Variants in ITGA8 observed in about 807,000 individuals in gnomAD.
ITGA8 encodes the protein integrin subunit alpha 8, also known as integrin alpha-8.
Under a neutral mutation model 142.3 loss-of-function variants are expected in ITGA8, and 91 were observed. That is an observed-to-expected ratio of 0.64 (90% CI 0.54 to 0.76). The LOEUF (loss-of-function observed/expected upper bound fraction) is 0.76, where lower values mean the gene tolerates loss of function less well. ITGA8 is among the 30% of genes least tolerant of loss of function. ITGA8 has a pLI of 0.00. For missense variants in ITGA8, 1,406 were observed against 1,327.7 expected (o/e 1.06, Z -0.92); for synonymous variants, 505 against 485.2 (o/e 1.04, Z -0.54).
At chr10:15,616,439 C>T (rs1833392774) in intron 14 of ITGA8, 75 bp downstream of exon 14, 1 of 1,109,316 alleles carries the variant, frequency 9.0e-7, no homozygotes, top group Non-Finnish European at 1.4e-6. Context: ...TTGGAATGCT[C>T]TCTTTAAGGC....
chr10:15,519,900 T>C (rs566994450), intron 28 of ITGA8, among the ~76,000 whole-genome samples: 1 of 152,260 alleles, frequency 6.6e-6, no homozygotes, highest in East Asian at 1.9e-4. Context: ...TCCCCTCATT[T>C]TACAGGTGAG....
At chr10:15,643,614 A>G (rs1833909855) in intron 13 of ITGA8, among the ~76,000 whole-genome samples, 1 of 152,198 alleles carries the variant, frequency 6.6e-6, no homozygotes, top group Admixed American at 6.5e-5. Context: ...TAAAAACATG[A>G]GCTTCATGAC....
intron 6 of ITGA8, among the ~76,000 whole-genome samples, chr10:15,676,159 CCCT>C (rs1470599154): frequency 7.2e-5 from 11 of 152,232 alleles, no homozygotes; most frequent in African/African-American, 2.4e-4. Flanking sequence ...ACCTACGCTG[CCCT>C]CCTGCCTCCC....
At chr10:15,535,996 G>A (rs1329787706) in intron 27 of ITGA8, among the ~76,000 whole-genome samples, 1 of 151,802 alleles carries the variant, frequency 6.6e-6, no homozygotes, top group Admixed American at 6.6e-5. Flanking sequence ...AACATTCACC[G>A]AGAAGGTCCG....
intron 13 of ITGA8, among the ~76,000 whole-genome samples, chr10:15,619,322 C>T (rs1315491105): frequency 2.6e-5 from 4 of 152,172 alleles, no homozygotes. Context: ...TGAAAGTTCT[C>T]CAGGTCAAAA....
At chr10:15,648,036 A>T (rs189016661) in intron 11 of ITGA8, among the ~76,000 whole-genome samples, 39 of 152,354 alleles carry the variant, frequency 2.6e-4, no homozygotes, top group Middle Eastern at 6.8e-3. Context: ...GAGAAAAAAT[A>T]AAAAAGTGGT....
intron 28 of ITGA8, among the ~76,000 whole-genome samples, chr10:15,530,498 A>T (rs1052901204): frequency 7.5e-6 from 1 of 132,934 alleles, no homozygotes. Context: ...GTGAGCTGAG[A>T]TCGTGCCCCT....
intron 13 of ITGA8, 76 bp downstream of exon 13, chr10:15,643,953 TG>T (rs1833916490): frequency 7.5e-7 from 1 of 1,334,142 alleles, no homozygotes; most frequent in Non-Finnish European, 1.0e-6. Flanking sequence ...AAACTGCCTT[TG>T]CATGATGCAT....
chr10:15,709,849 C>A (rs974211280), intron 2 of ITGA8, among the ~76,000 whole-genome samples: 5 of 152,166 alleles, frequency 3.3e-5, no homozygotes. Context: ...CTTATTTTTA[C>A]ACATACTGTT....
At chr10:15,678,002 G>A (rs886824703) in intron 5 of ITGA8, among the ~76,000 whole-genome samples, 1 of 152,098 alleles carries the variant, frequency 6.6e-6, no homozygotes, top group Non-Finnish European at 1.5e-5. Flanking sequence ...ATAAAATTCT[G>A]TTCCAATTTA....
chr10:15,690,889 A>G (rs1834921669), intron 2 of ITGA8, among the ~76,000 whole-genome samples: 1 of 152,168 alleles, frequency 6.6e-6, no homozygotes. Context: ...ACAGCCAAGG[A>G]AACAACCAAC....
Position 15,672,673 on chromosome 10 carries a change from T to C in ITGA8, c.753A>G (p.Gly251=), listed in dbSNP as rs779228806. Residue 251 remains glycine (G), a synonymous_variant, in exon 7 of 30, where the codon GGA becomes GGG. Transcript: ENST00000378076. ...CTGGAGCCACTTCCGTCTGCTTTTC[T>C]CCTGCCAGTTTCCTGAGGATATCCT... ...SFKDILRKLA[G]EKQTEVAPAS... 2.5e-6 allele frequency: 4 copies of C among 1,614,022 alleles called. No homozygotes were observed. In the East Asian group the frequency reaches 8.9e-5, roughly 36 times the overall value.
chr10:15,560,186 G>A (rs1833949446), intron 25 of ITGA8, among the ~76,000 whole-genome samples: 1 of 152,080 alleles, frequency 6.6e-6, no homozygotes, highest in Admixed American at 6.6e-5. Flanking sequence ...GGCTGAAGCA[G>A]GAGGATCATC....
At chr10:15,540,341 C>T (rs1833544475) in intron 27 of ITGA8, among the ~76,000 whole-genome samples, 1 of 152,154 alleles carries the variant, frequency 6.6e-6, no homozygotes, top group Non-Finnish European at 1.5e-5. Flanking sequence ...CTCTCTGCCT[C>T]CATGAGATCC....
chr10:15,630,530 T>A lies in ITGA8; in HGVS notation c.1399+13500A>T, dbSNP rs1286531704. On this transcript the variant is annotated intron_variant, in intron 13 of 29. Coordinates refer to ENST00000378076, the MANE Select transcript of ITGA8 (RefSeq NM_003638.3). ...ACACATGTGTAATTTCCATCTGAGATCATTGTTTTCAGGGGAAGGACAACA... is the reference window on the plus strand; with the variant it reads ...ACACATGTGTAATTTCCATCTGAGAACATTGTTTTCAGGGGAAGGACAACA... Among the ~76,000 whole-genome samples, 2 of 151,922 alleles carry A rather than the reference T, an allele frequency of 1.3e-5. 1 individual carries two copies. Among genetic ancestry groups the A allele is most frequent in the African/African-American group, 4.9e-5 (2 of 41,224 alleles).
At chr10:15,528,898 C>T (rs902928977) in intron 28 of ITGA8, among the ~76,000 whole-genome samples, 5 of 152,116 alleles carry the variant, frequency 3.3e-5, no homozygotes, top group African/African-American at 7.2e-5. Context: ...TAAATACCAC[C>T]GAAGTTTACT....
At chr10:15,575,627 A>G in intron 23 of ITGA8, 33 bp from the exon 24 acceptor site, 1 of 1,530,928 alleles carries the variant, frequency 6.5e-7, no homozygotes, top group Non-Finnish European at 9.1e-7. Context: ...AATTGTTAGC[A>G]ATGGCCCAGG....
In ITGA8 at chr10:15,514,214, C is replaced by A. The variant is rs1445103959; in HGVS notation, c.*2944G>T. 6.6e-6 allele frequency: 1 copy of A among 152,126 alleles called. No homozygotes were observed. 9.4% of individuals were successfully genotyped at this position (152,126 alleles called of 1,614,324 possible). ...TTGAAGAGAAATACAGATAGACCCT[C>A]AGAGGAGCACAGCACATTATGAATT... On this transcript the variant is annotated 3_prime_UTR_variant, in exon 30 of 30. Coordinates refer to ENST00000378076, the MANE Select transcript of ITGA8 (RefSeq NM_003638.3).
rs560206337 is a variant in ITGA8, at chr10:15,642,305, T to TG, written c.1399+1724dup. 1.5e-4 allele frequency among the ~76,000 whole-genome samples: 23 copies of TG among 152,302 alleles called. No homozygotes were observed. The East Asian group carries it at 3.7e-3, about 24-fold the overall frequency. ...CTCTCATTTGGGACGTGTTTAGCCT[T>TG]GGAAGGAAGTCAAAGGACTGGCTAT... On this transcript the variant is annotated intron_variant, in intron 13 of 29. Transcript: ENST00000378076.
Sources: gnomAD v4.1 joint callset for allele counts (sites outside exome capture counted in the v4.1 genomes callset) on GRCh38, gnomAD v4.1.1 for gene constraint, MANE v1.5 for transcripts, NCBI Gene and HGNC (gene_info 2026-07-23, HGNC 2026-07-21) for gene names.